HPD: variants seen among roughly 807,000 people sequenced by gnomAD.
The protein encoded by HPD is 4-hydroxyphenylpyruvate dioxygenase.
A neutral mutation model predicts 56.9 loss-of-function variants in HPD; 35 were observed. The ratio of observed to expected loss-of-function variants is 0.62; its 90% confidence interval spans 0.47 to 0.82. The LOEUF (loss-of-function observed/expected upper bound fraction) is 0.82. Ranked by LOEUF, HPD falls within the 40% of genes least tolerant of loss-of-function variation. The probability of loss-of-function intolerance (pLI) is 0.00; values close to 1 mark genes in which losing one functional copy is unlikely to be tolerated. For missense variants in HPD, 442 were observed against 506.8 expected (o/e 0.87, Z 1.23); for synonymous variants, 186 against 200.2 (o/e 0.93, Z 0.60).
chr12:121,864,382 G>C (rs1442548320), upstream of HPD, among the ~76,000 whole-genome samples: 2 of 151,398 alleles, frequency 1.3e-5, no homozygotes, highest in African/African-American at 4.8e-5. Flanking sequence ...GTGAGACCCT[G>C]TCTCTACAAA....
chr12:121,877,962 A>G, the HPD span, among the ~76,000 whole-genome samples: 2 of 152,188 alleles, frequency 1.3e-5, no homozygotes, highest in African/African-American at 4.8e-5. Flanking sequence ...TGTATGAAAT[A>G]TCCAGAATAG....
Position 121,843,828 on chromosome 12 carries a change from C to T in HPD, c.836G>A (p.Arg279His), listed in dbSNP as rs140144597. The change falls in exon 12 of 14, where the codon CGC becomes CAC. Residue 279 changes from arginine (R) to histidine (H), a missense_variant. Transcript: ENST00000289004. ...LKTEDIITAI[R>H]HLRERGLEFL... ...CTCCAGGCCTCTCTCTCTCAAGTGG[C>T]GAATCTGTTTCAGAGCAAAGCTGAG... The T allele has an allele frequency of 2.2e-4, 351 of 1,614,044 alleles. No homozygotes were observed. The highest frequency in any genetic ancestry group is 3.7e-4 in the South Asian group (34 of 91,076).
At chr12:121,868,327 CTCA>C (rs1465959479), upstream of HPD, among the ~76,000 whole-genome samples, 7 of 151,982 alleles carry the variant, frequency 4.6e-5, no homozygotes, top group Non-Finnish European at 1.0e-4. Context: ...AATACACTTC[CTCA>C]TCTTTTTTTG....
chr12:121,854,643 G>A lies in HPD; in HGVS notation c.414+60C>T. 3.4e-6 allele frequency: 4 copies of A among 1,162,218 alleles called. No individual in the cohort carries two copies. The South Asian group carries it at 4.9e-5, about 14-fold the overall frequency. 72.0% of individuals were successfully genotyped at this position (1,162,218 alleles called of 1,614,324 possible). A position where few individuals can be genotyped will look rare whatever the true frequency, so the allele number is the denominator to read the frequency against. On this transcript the variant is annotated intron_variant, in intron 7 of 13. Transcript: ENST00000289004. ...ATGGTTTGATGGAGTCAGCTGCGGG[G>A]CTCCTGGCATCTCAGTGGTGCCGAC...
intron 6 of HPD, among the ~76,000 whole-genome samples, chr12:121,855,732 AG>A (rs1319202681): frequency 6.2e-4 from 80 of 128,784 alleles, no homozygotes; most frequent in South Asian, 9.4e-4. Flanking sequence ...CACACACAAA[AG>A]AAAGAAAAAG....
chr12:121,849,591 C>T (rs1159430619), intron 8 of HPD, 96 bp downstream of exon 8: 1 of 862,674 alleles, frequency 1.2e-6, no homozygotes. Flanking sequence ...CTCCATTCTG[C>T]CCCAACACAC....
At chr12:121,862,972 G>A (rs1878222825), upstream of HPD, among the ~76,000 whole-genome samples, 2 of 149,582 alleles carry the variant, frequency 1.3e-5, no homozygotes, top group Admixed American at 1.3e-4. Context: ...GAGCCACCGC[G>A]CCCGGCACCC....
At chr12:121,847,692 C>T (rs958229639) in intron 9 of HPD, among the ~76,000 whole-genome samples, 1 of 152,146 alleles carries the variant, frequency 6.6e-6, no homozygotes, top group African/African-American at 2.4e-5. Flanking sequence ...CATGCACCAC[C>T]ATGCCCAACT....
chr12:121,859,328 G>GA (rs1313839718), upstream of HPD: 1 of 215,884 alleles, frequency 4.6e-6, no homozygotes, highest in African/African-American at 2.3e-5. Flanking sequence ...TGTGACTTGG[G>GA]AAAATCACCA....
At chr12:121,876,208 G>C in the HPD span, among the ~76,000 whole-genome samples, 2 of 152,150 alleles carry the variant, frequency 1.3e-5, no homozygotes, top group African/African-American at 4.8e-5. Context: ...CTACCTGAGA[G>C]GCTGAGGCAG....
At chr12:121,844,741 C>T (rs1177159818) in intron 11 of HPD, among the ~76,000 whole-genome samples, 5 of 151,652 alleles carry the variant, frequency 3.3e-5, no homozygotes, top group East Asian at 2.0e-4. Context: ...ATTAGCTGGG[C>T]GTGGTGGTGG....
rs189171841 is a variant in HPD, at chr12:121,845,413, A to G, written c.831+1449T>C. Among the ~76,000 whole-genome samples the G allele has an allele frequency of 1.6e-3, 237 of 149,166 alleles. 14 individuals carry two copies. The highest frequency in any genetic ancestry group is 3.6e-3 in the African/African-American group (141 of 38,884). On this transcript the variant is annotated intron_variant, in intron 11 of 13. Coordinates refer to ENST00000289004, the MANE Select transcript of HPD (RefSeq NM_002150.3). ...AGATCGAGACCATCCTGGCTAACAC[A>G]GTGAAACCCCGTCTCTACTAAAAAT... is the stretch of plus-strand genomic sequence containing the variant.
upstream of HPD, among the ~76,000 whole-genome samples, chr12:121,865,236 C>G (rs570367560): frequency 6.6e-6 from 1 of 151,028 alleles, no homozygotes; most frequent in East Asian, 2.0e-4. Flanking sequence ...CCAGTGCACT[C>G]TAACCTGGGC....
At chr12:121,884,274 G>A in the HPD span, among the ~76,000 whole-genome samples, 37 of 150,658 alleles carry the variant, frequency 2.5e-4, no homozygotes, top group East Asian at 4.1e-3. Context: ...GCAATTCCCC[G>A]GCCTCAGCCT....
rs372171111 is a variant in HPD at position 121,840,774 on chromosome 12, T to TA, written c.955-727dup. Among the ~76,000 whole-genome samples the TA allele has an allele frequency of 2.5e-3, 348 of 138,862 alleles. 1 individual carries two copies. Among genetic ancestry groups the TA allele is most frequent in the Non-Finnish European group, 3.5e-3 (222 of 63,814 alleles). 91.1% of individuals were successfully genotyped at this position (138,862 alleles called of 152,430 possible). ...AGTGTTGCTTCCTTAAAATACGGAT[T>TA]AAAAAAAAAAAAGGGGGTGGCCAGG... On this transcript the variant is annotated intron_variant, in intron 12 of 13. Coordinates refer to ENST00000289004, the MANE Select transcript of HPD (RefSeq NM_002150.3).
At position 121,845,532 on chromosome 12, in the gene HPD, C is replaced by T. The variant is rs573086182; in HGVS notation, c.831+1330G>A. Among the ~76,000 whole-genome samples the T allele has an allele frequency of 7.6e-5, 11 of 144,584 alleles. 1 individual carries two copies. The South Asian group carries it at 1.8e-3, about 23-fold the overall frequency. The allele number at this position is 144,584 out of a possible 152,430, so 94.9% of individuals were successfully genotyped here. A position where few individuals can be genotyped will look rare whatever the true frequency, so the allele number is the denominator to read the frequency against. On this transcript the variant is annotated intron_variant, in intron 11 of 13. Coordinates refer to ENST00000289004, the MANE Select transcript of HPD (RefSeq NM_002150.3). ...AGGAGAATGGCGTGAACCCAGGAGG[C>T]GGAGCTTGCAGTGAGCCGAGATCGC...
In HPD at chr12:121,856,368, T is replaced by C. The variant is rs772103630; in HGVS notation, c.280A>G (p.Lys94Glu). 2 of 1,614,134 alleles carry C rather than the reference T, an allele frequency of 1.2e-6. No homozygotes were observed. The highest frequency in any genetic ancestry group is 2.2e-5 in the South Asian group (2 of 91,078). Residue 94 changes from lysine (K) to glutamate (E), a missense_variant, in exon 6 of 14, where the codon AAG (lysine) becomes GAG (glutamate). By Grantham distance (56) the Lys-to-Glu change is moderately conservative. Coordinates refer to ENST00000289004, the MANE Select transcript of HPD (RefSeq NM_002150.3). The stretch of plus-strand genomic sequence containing the variant: ...TCTTCCACCTCGAACGCAATGTCCT[T>C]CACTCCGTCACCGTGTTTCACCAGG... ...DHLVKHGDGVKDIAFEVEDCD... is the reference protein window; with the variant it reads ...DHLVKHGDGVEDIAFEVEDCD...
At chr12:121,844,402 G>C (rs978843770) in intron 11 of HPD, among the ~76,000 whole-genome samples, 1 of 151,980 alleles carries the variant, frequency 6.6e-6, no homozygotes, top group Non-Finnish European at 1.5e-5. Context: ...TGAGGCAGCT[G>C]AAGGACTATT....
chr12:121,879,421 C>T, the HPD span, among the ~76,000 whole-genome samples: 1 of 151,710 alleles, frequency 6.6e-6, no homozygotes, highest in Non-Finnish European at 1.5e-5. Flanking sequence ...AGACAACCAC[C>T]TTGGATGATC....
Sources: gnomAD v4.1 joint callset for allele counts (sites outside exome capture counted in the v4.1 genomes callset) on GRCh38, gnomAD v4.1.1 for gene constraint, MANE v1.5 for transcripts, NCBI Gene and HGNC (gene_info 2026-07-23, HGNC 2026-07-21) for gene names.